ZGLP1: variants seen among roughly 807,000 people sequenced by gnomAD.
The protein encoded by ZGLP1 is GATA-type zinc finger protein 1.
ZGLP1 carries 11 observed loss-of-function variants against 21.4 expected under a neutral mutation model. The ratio of observed to expected loss-of-function variants is 0.51; its 90% CI spans 0.32 to 0.85. ZGLP1 has a LOEUF of 0.85. Ranked by LOEUF, ZGLP1 falls within the 40% of genes least tolerant of loss-of-function variation. The pLI, the probability that ZGLP1 is intolerant of heterozygous loss-of-function variation, is 0.03. For missense variants in ZGLP1, 295 were observed against 355.6 expected (o/e 0.83, Z 1.37); for synonymous variants, 148 against 145.0 (o/e 1.02, Z -0.15).
At position 10,305,383 on chromosome 19, in the gene ZGLP1, T is replaced by C. The variant is rs908311239; in HGVS notation, c.698+7A>G. On this transcript the variant is annotated splice_region_variant and intron_variant, in intron 3 of 3. Coordinates refer to ENST00000403903, the Ensembl canonical transcript of ZGLP1. This position sits in a 1 kb window ranked among gnomAD's most constrained non-coding sequence, Gnocchi z 4.7. The stretch of plus-strand genomic sequence containing the variant: ...CCCGCCCCAACTCCCTCCTCCATTC[T>C]AAGGACCTGATCCCACAGGCGTTGC... 6 of 1,585,386 alleles carry C rather than the reference T, an allele frequency of 3.8e-6. No homozygotes were observed. The African/African-American group carries it at 8.1e-5, about 21-fold the overall frequency.
exon 4 of ZGLP1, chr19:10,304,882 G>A (rs1029237220): frequency 4.8e-5 from 28 of 584,910 alleles, no homozygotes; most frequent in African/African-American, 1.3e-4. Context: ...AGGGGGCCTC[G>A]GCCAAGGCTG....
In ZGLP1 at chr19:10,305,588, C is replaced by T. The variant is rs2040274650; in HGVS notation, c.605-105G>A. The T allele has an allele frequency of 1.0e-6, 1 of 1,004,624 alleles. No individual in the cohort carries two copies. Among genetic ancestry groups the T allele is most frequent in the South Asian group, 1.4e-5 (1 of 70,000 alleles). 62.2% of individuals were successfully genotyped at this position (1,004,624 alleles called of 1,614,324 possible). A position where few individuals can be genotyped will look rare whatever the true frequency, so the allele number is the denominator to read the frequency against. On this transcript the variant is annotated intron_variant, in intron 2 of 3. Transcript: ENST00000403903. The surrounding 1 kb of genome is among the most constrained non-coding windows in gnomAD (Gnocchi z 4.7). ...TGTGGGGGTCTCAGTAAAGGCCCCA[C>T]CTAGCTCTGGATCAGCCCTGGGAGT...
Position 10,305,797 on chromosome 19 carries a change from G to T in ZGLP1, c.604+49C>A. Reference sequence around the variant, plus strand: ...GGCAGGGAGAAAGGCAGGGAAGACAGGAAATTGGCCCCCAAAATATTTATA... The same window carrying T: ...GGCAGGGAGAAAGGCAGGGAAGACATGAAATTGGCCCCCAAAATATTTATA... On this transcript the variant is annotated intron_variant, in intron 2 of 3. Transcript: ENST00000403903. The surrounding 1 kb of genome is among the most constrained non-coding windows in gnomAD (Gnocchi z 4.7). The T allele has an allele frequency of 7.0e-7, 1 of 1,430,534 alleles. No homozygotes were observed. The highest frequency in any genetic ancestry group is 9.6e-7 in the Non-Finnish European group (1 of 1,036,566). 88.6% of individuals were successfully genotyped at this position (1,430,534 alleles called of 1,614,324 possible). A position where few individuals can be genotyped will look rare whatever the true frequency, so the allele number is the denominator to read the frequency against.
chr19:10,305,318 C>G lies in ZGLP1; in HGVS notation c.698+72G>C. 1 of 1,546,266 alleles carries G rather than the reference C, an allele frequency of 6.5e-7. No homozygotes were observed. Among genetic ancestry groups the G allele is most frequent in the Non-Finnish European group, 8.8e-7 (1 of 1,134,392 alleles). The stretch of plus-strand genomic sequence containing the variant: ...TAGGTGTTTTGCTTTTTGCTTTCCC[C>G]ACAGGCCATCCTGGTTACACGTGGA... On this transcript the variant is annotated intron_variant, in intron 3 of 3. Coordinates refer to ENST00000403903, the Ensembl canonical transcript of ZGLP1. This position sits in a 1 kb window ranked among gnomAD's most constrained non-coding sequence, Gnocchi z 4.7.
chr19:10,308,258 G>A (rs1352200944), exon 1 of ZGLP1: 18 of 1,598,178 alleles, frequency 1.1e-5, no homozygotes, highest in Non-Finnish European at 1.5e-5. Flanking sequence ...TCGAACCCAG[G>A]GTCCACTCTC....
chr19:10,308,411 C>A (rs1456088283), exon 1 of ZGLP1: 2 of 1,609,056 alleles, frequency 1.2e-6, no homozygotes, highest in East Asian at 4.5e-5. Flanking sequence ...AGCAGGCGGC[C>A]CTGAGTCCCC....
intron 1 of ZGLP1, among the ~76,000 whole-genome samples, chr19:10,307,275 C>G (rs955290627): frequency 6.6e-6 from 1 of 151,402 alleles, no homozygotes; most frequent in African/African-American, 2.4e-5. Flanking sequence ...TGGGCTCATG[C>G]AATCCTCCCA....
At position 10,305,282 on chromosome 19, in the gene ZGLP1, T is replaced by C; in HGVS notation, c.699-74A>G. The C allele has an allele frequency of 6.4e-7, 1 of 1,571,208 alleles. No individual in the cohort carries two copies. Among genetic ancestry groups the C allele is most frequent in the South Asian group, 1.1e-5 (1 of 89,422 alleles). On this transcript the variant is annotated intron_variant, in intron 3 of 3. Transcript: ENST00000403903. The surrounding 1 kb of genome is among the most constrained non-coding windows in gnomAD (Gnocchi z 4.7). ...GGAAACCGCCACAAGGAAACCACTT[T>C]TCCCAAGAGGTAGGTGTTTTGCTTT...
Position 10,308,160 on chromosome 19 carries a change from C to A in ZGLP1, c.497+25G>T, listed in dbSNP as rs372320410. On this transcript the variant is annotated intron_variant, in intron 1 of 3. Coordinates refer to ENST00000403903, the Ensembl canonical transcript of ZGLP1. ...TTTGCGTTGTAACTGGGAGAAAGGG[C>A]GGCCTGGCCCCAGCCGGCCCCTACC... 103 of 1,512,894 alleles carry A rather than the reference C, an allele frequency of 6.8e-5. 1 individual carries two copies. Among genetic ancestry groups the A allele is most frequent in the Middle Eastern group, 5.9e-4 (3 of 5,066 alleles). The allele number at this position is 1,512,894 out of a possible 1,614,324, so 93.7% of individuals were successfully genotyped here.
At chr19:10,306,995 G>T (rs2040283039) in intron 1 of ZGLP1, among the ~76,000 whole-genome samples, 1 of 151,844 alleles carries the variant, frequency 6.6e-6, no homozygotes, top group Admixed American at 6.6e-5. Context: ...TTAGCCAGGC[G>T]TGGTAGCAGG....
At chr19:10,306,082 GC>G in intron 1 of ZGLP1, 130 bp from the exon 3 acceptor site, 1 of 510,664 alleles carries the variant, frequency 2.0e-6, no homozygotes, top group South Asian at 3.1e-5. Context: ...GAATGGCCTG[GC>G]TTTGCCTCTC....
Position 10,305,869 on chromosome 19 carries a change from T to G in ZGLP1, c.581A>C (p.His194Pro). 1 of 1,558,332 alleles carries G rather than the reference T, an allele frequency of 6.4e-7. No individual in the cohort carries two copies. The highest frequency in any genetic ancestry group is 8.7e-7 in the Non-Finnish European group (1 of 1,150,080). Residue 194 changes from histidine (H) to proline (P), a missense_variant, in exon 2 of 4, where the codon CAC becomes CCC. Around this residue, in one of 2 missense-constraint regions of ZGLP1, gnomAD observed 252 missense variants for 264.0 expected, o/e 0.95. Transcript: ENST00000403903. This position sits in a 1 kb window ranked among gnomAD's most constrained non-coding sequence, Gnocchi z 4.7. ...ACCCAGGGCCTCGCTGCCTGCTGAGTGGGCCTCGGTGCCTCCTGGGTGGGC... is the reference window on the plus strand; with the variant it reads ...ACCCAGGGCCTCGCTGCCTGCTGAGGGGGCCTCGGTGCCTCCTGGGTGGGC...
chr19:10,305,341 G>C lies in ZGLP1; in HGVS notation c.698+49C>G. The C allele has an allele frequency of 1.9e-6, 3 of 1,546,866 alleles. No homozygotes were observed. Among genetic ancestry groups the C allele is most frequent in the South Asian group, 2.3e-5 (2 of 85,660 alleles). Reference sequence around the variant, plus strand: ...CCCACAGGCCATCCTGGTTACACGTGGACTGATTTGGGGACCCCCGCCCCA... The same window carrying C: ...CCCACAGGCCATCCTGGTTACACGTCGACTGATTTGGGGACCCCCGCCCCA... On this transcript the variant is annotated intron_variant, in intron 3 of 3. Coordinates refer to ENST00000403903, the Ensembl canonical transcript of ZGLP1. This position sits in a 1 kb window ranked among gnomAD's most constrained non-coding sequence, Gnocchi z 4.7.
In ZGLP1 at chr19:10,305,680, C is replaced by G. The variant is rs2040274972; in HGVS notation, c.604+166G>C. On this transcript the variant is annotated intron_variant, in intron 2 of 3. Coordinates refer to ENST00000403903, the Ensembl canonical transcript of ZGLP1. The surrounding 1 kb of genome is among the most constrained non-coding windows in gnomAD (Gnocchi z 4.7). ...TGGCAGCATTCCGCAGAGGAGGAAG[C>G]TGGGGGTGGGGGTGACTCAGCCCAA... The G allele has an allele frequency of 5.4e-6, 4 of 741,844 alleles. No homozygotes were observed. Among genetic ancestry groups the G allele is most frequent in the Non-Finnish European group, 9.1e-6 (4 of 441,526 alleles). The allele number at this position is 741,844 out of a possible 1,614,324, so 46.0% of individuals were successfully genotyped here.
chr19:10,309,811 C>G (rs1272479907), exon 1 of ZGLP1: 1 of 152,140 alleles, frequency 6.6e-6, no homozygotes, highest in African/African-American at 2.4e-5. Flanking sequence ...CCAGCGGCAT[C>G]TTAGATCCCA....
exon 4 of ZGLP1, chr19:10,304,877 G>A (rs573814845): frequency 1.0e-5 from 6 of 580,866 alleles, no homozygotes; most frequent in South Asian, 4.3e-5. Flanking sequence ...TCCTGAGGGG[G>A]CCTCGGCCAA....
At position 10,305,255 on chromosome 19, in the gene ZGLP1, C is replaced by T. The variant is rs1443596200; in HGVS notation, c.699-47G>A. On this transcript the variant is annotated intron_variant, in intron 3 of 3. Transcript: ENST00000403903. This position sits in a 1 kb window ranked among gnomAD's most constrained non-coding sequence, Gnocchi z 4.7. Reference sequence around the variant, plus strand: ...CTGCCATTTAGGATGCAGTGGGGGCCCGGAAACCGCCACAAGGAAACCACT... The same window carrying T: ...CTGCCATTTAGGATGCAGTGGGGGCTCGGAAACCGCCACAAGGAAACCACT... 3.1e-6 allele frequency: 5 copies of T among 1,590,522 alleles called. No individual in the cohort carries two copies. Among genetic ancestry groups the T allele is most frequent in the Middle Eastern group, 1.7e-4 (1 of 6,016 alleles).
At chr19:10,308,858 G>A (rs2040295715) in exon 1 of ZGLP1, 1 of 476,342 alleles carries the variant, frequency 2.1e-6, no homozygotes, top group Non-Finnish European at 3.5e-6. Flanking sequence ...TCTGGCTGCA[G>A]GATCGAGAAA....
chr19:10,305,765 A>AGG lies in ZGLP1; in HGVS notation c.604+79_604+80dup. 3 of 1,105,718 alleles carry AGG rather than the reference A, an allele frequency of 2.7e-6. No homozygotes were observed. 68.5% of individuals were successfully genotyped at this position (1,105,718 alleles called of 1,614,324 possible). On this transcript the variant is annotated intron_variant, in intron 2 of 3. Transcript: ENST00000403903. The surrounding 1 kb of genome is among the most constrained non-coding windows in gnomAD (Gnocchi z 4.7). ...TCTAAATGGGGAAGCAAGATGGAGA[A>AGG]GGGGGGGGCAGGGAGAAAGGCAGGG...
Sources: allele counts gnomAD v4.1 joint callset (sites outside exome capture counted in the v4.1 genomes callset), GRCh38; gene constraint gnomAD v4.1.1; regional missense constraint gnomAD v4.1.1; non-coding constraint Gnocchi (gnomAD v3.1); transcripts MANE v1.5; gene names NCBI Gene and HGNC (gene_info 2026-07-23, HGNC 2026-07-21).